TASP1: variants seen among roughly 807,000 people sequenced by gnomAD.
TASP1 encodes threonine aspartase 1.
A neutral mutation model predicts 56.6 loss-of-function variants in TASP1; 16 were observed. The observed-to-expected ratio is 0.28, with a 90% CI of 0.19 to 0.43. The LOEUF is 0.43. TASP1 is among the 20% of genes least tolerant of loss of function. The probability of loss-of-function intolerance (pLI) is 1.00; values close to 1 mark genes in which losing one functional copy is unlikely to be tolerated. For missense variants in TASP1, 393 were observed against 511.6 expected (o/e 0.77, Z 2.24); for synonymous variants, 179 against 184.2 (o/e 0.97, Z 0.23).
chr20:13,322,030 T>C, the TASP1 span, among the ~76,000 whole-genome samples: 5 of 152,234 alleles, frequency 3.3e-5, no homozygotes, highest in Non-Finnish European at 5.9e-5. Flanking sequence ...ATTATGGAAA[T>C]TGTGCATGTG....
the TASP1 span, among the ~76,000 whole-genome samples, chr20:13,236,568 A>G: frequency 6.6e-6 from 1 of 152,168 alleles, no homozygotes; most frequent in East Asian, 1.9e-4. Context: ...AATTAACCCA[A>G]AAGTCCACAG....
At chr20:13,197,951 G>T in the TASP1 span, among the ~76,000 whole-genome samples, 1 of 152,110 alleles carries the variant, frequency 6.6e-6, no homozygotes. Flanking sequence ...TCATTTTTAT[G>T]TATATACTAT....
the TASP1 span, among the ~76,000 whole-genome samples, chr20:13,277,465 C>T: frequency 4.6e-5 from 7 of 152,058 alleles, no homozygotes; most frequent in African/African-American, 1.2e-4. Flanking sequence ...GGCTCAGCAT[C>T]GCCCTGTCAC....
chr20:13,478,823 C>A (rs946566157), intron 11 of TASP1, among the ~76,000 whole-genome samples: 1 of 151,914 alleles, frequency 6.6e-6, no homozygotes, highest in African/African-American at 2.4e-5. Context: ...GAAATGAAAT[C>A]ATATAAAATG....
the TASP1 span, among the ~76,000 whole-genome samples, chr20:13,179,773 C>G: frequency 6.6e-6 from 1 of 152,100 alleles, no homozygotes; most frequent in African/African-American, 2.4e-5. Flanking sequence ...AGCTGTTTAC[C>G]CCGGAGAGTC....
At chr20:13,455,881 T>A (rs953765833) in intron 11 of TASP1, among the ~76,000 whole-genome samples, 1 of 152,088 alleles carries the variant, frequency 6.6e-6, no homozygotes, top group African/African-American at 2.4e-5. Context: ...GCAATAGATA[T>A]CTCAATTGCT....
chr20:13,212,168 G>A, the TASP1 span, among the ~76,000 whole-genome samples: 1 of 152,100 alleles, frequency 6.6e-6, no homozygotes, highest in Non-Finnish European at 1.5e-5. Context: ...GTGTAACTAA[G>A]TTCTGGTCAA....
the TASP1 span, among the ~76,000 whole-genome samples, chr20:13,222,091 A>G: frequency 6.6e-6 from 1 of 152,138 alleles, no homozygotes; most frequent in Non-Finnish European, 1.5e-5. Flanking sequence ...GAGCGGGGGC[A>G]CGTGCCTGGA....
At chr20:13,540,824 C>T (rs911576886) in intron 8 of TASP1, among the ~76,000 whole-genome samples, 7 of 151,752 alleles carry the variant, frequency 4.6e-5, no homozygotes, top group African/African-American at 7.3e-5. Context: ...TAAAATTCAT[C>T]GAATTATACA....
At chr20:13,446,512 C>T (rs983591439) in intron 11 of TASP1, among the ~76,000 whole-genome samples, 5 of 152,012 alleles carry the variant, frequency 3.3e-5, no homozygotes, top group African/African-American at 9.7e-5. Flanking sequence ...AAAAACCCCA[C>T]AAAATAATAC....
At chr20:13,312,962 G>A in the TASP1 span, among the ~76,000 whole-genome samples, 24 of 152,270 alleles carry the variant, frequency 1.6e-4, no homozygotes, top group South Asian at 5.0e-3. Context: ...CACCAAAGGA[G>A]CATCTGGGTG....
chr20:13,613,823 T>C (rs2048432612), intron 4 of TASP1, among the ~76,000 whole-genome samples: 1 of 152,124 alleles, frequency 6.6e-6, no homozygotes, highest in South Asian at 2.1e-4. Context: ...AAAACACTTT[T>C]ATTAGGCCCA....
intron 10 of TASP1, among the ~76,000 whole-genome samples, chr20:13,503,286 GCATGACCC>G (rs1568518814): frequency 6.6e-6 from 1 of 152,000 alleles, no homozygotes; most frequent in Admixed American, 6.6e-5. Context: ...AACTCCCCAA[GCATGACCC>G]CATGGATGGC....
rs1176817639 is a variant in TASP1, at chr20:13,461,204, CCTT to C, written c.985+22020_985+22022del. Among the ~76,000 whole-genome samples the C allele has an allele frequency of 3.3e-5, 5 of 152,268 alleles. No homozygotes were observed. In the East Asian group the frequency reaches 7.7e-4, roughly 24 times the overall value. On this transcript the variant is annotated intron_variant, in intron 11 of 13. Coordinates refer to ENST00000337743, the MANE Select transcript of TASP1 (RefSeq NM_017714.3). ...CCTTTGGATTTCTGCTCAAATGTCA[CCTT>C]CTAAGGGAAACTTACCCTGACCATG...
At chr20:13,321,465 G>A in the TASP1 span, among the ~76,000 whole-genome samples, 16 of 152,142 alleles carry the variant, frequency 1.1e-4, no homozygotes, top group African/African-American at 3.9e-4. Flanking sequence ...GGGGAGAAAC[G>A]CTCTAGGACG....
At chr20:13,467,930 C>T (rs1364488603) in intron 11 of TASP1, among the ~76,000 whole-genome samples, 3 of 151,908 alleles carry the variant, frequency 2.0e-5, no homozygotes, top group Non-Finnish European at 2.9e-5. Context: ...GCAGGAGAAT[C>T]GCTTGAACCC....
chr20:13,187,787 G>T, the TASP1 span, among the ~76,000 whole-genome samples: 2 of 144,610 alleles, frequency 1.4e-5, no homozygotes, highest in African/African-American at 5.1e-5. Context: ...GAAACCAAAG[G>T]AAAAAGCACC....
chr20:13,218,713 G>A, the TASP1 span, among the ~76,000 whole-genome samples: 13 of 152,282 alleles, frequency 8.5e-5, no homozygotes, highest in East Asian at 2.5e-3. Context: ...AAAATTGTAA[G>A]CCCGTGTTCC....
rs1268813401 is a variant in TASP1 at position 13,562,915 on chromosome 20, A to ATATGTG, written c.569-3802_569-3801insCACATA. On this transcript the variant is annotated intron_variant, in intron 7 of 13. Transcript: ENST00000337743. ...ATTATATCTCTATATACATATATAT[A>ATATGTG]TGTGTGTGTGTGTGTGTGTGTGTGT... Among the ~76,000 whole-genome samples, 56 of 128,682 alleles carry ATATGTG rather than the reference A, an allele frequency of 4.4e-4. 1 individual carries two copies. Among genetic ancestry groups the ATATGTG allele is most frequent in the African/African-American group, 1.5e-3 (50 of 33,600 alleles). The allele number at this position is 128,682 out of a possible 152,430, so 84.4% of individuals were successfully genotyped here.
Sources: allele counts gnomAD v4.1 joint callset (sites outside exome capture counted in the v4.1 genomes callset), GRCh38; gene constraint gnomAD v4.1.1; transcripts MANE v1.5; gene names NCBI Gene and HGNC (gene_info 2026-07-23, HGNC 2026-07-21).